Variants in SPATA7 observed in about 807,000 individuals in gnomAD.
SPATA7 encodes the protein spermatogenesis associated 7.
Under a neutral mutation model 51.8 loss-of-function variants are expected in SPATA7, and 43 were observed. That is an observed-to-expected ratio of 0.83 (90% CI 0.65 to 1.07). The LOEUF is 1.07. Ranked by LOEUF, SPATA7 falls within the 50% of genes least tolerant of loss-of-function variation. The pLI is 0.00. For synonymous variants in SPATA7, 230 were observed against 252.8 expected (o/e 0.91, Z 0.86); for missense variants, 683 against 701.3 (o/e 0.97, Z 0.30).
chr14:88,428,143 G>A (rs1295016435), intron 7 of SPATA7: 1 of 151,342 alleles, frequency 6.6e-6, no homozygotes, highest in African/African-American at 2.4e-5. Context: ...ATTCTCTTAT[G>A]TTTGCCTCTG....
Position 88,423,671 on chromosome 14 carries a change from A to ATTTTTTTTT in SPATA7, c.373-2541_373-2533dup. Among the ~76,000 whole-genome samples the ATTTTTTTTT allele has an allele frequency of 1.5e-3, 19 of 12,274 alleles. 6 individuals carry two copies. The highest frequency in any genetic ancestry group is 2.0e-3 in the African/African-American group (19 of 9,516). The allele number at this position is 12,274 out of a possible 152,430, so 8.1% of individuals were successfully genotyped here. ...CAAACAGATGTTAGATTTTAAAATA[A>ATTTTTTTTT]TTTTTTTTTTTTTTTTTTTTTTTTT... On this transcript the variant is annotated intron_variant, in intron 5 of 11. Transcript: ENST00000393545.
intron 4 of SPATA7, among the ~76,000 whole-genome samples, chr14:88,398,302 A>T (rs60826666): frequency 0.034 from 5,227 of 151,820 alleles, 282 homozygotes; most frequent in African/African-American, 0.12. Flanking sequence ...TGCAGCCATA[A>T]AAAATGATGA....
At chr14:88,444,599 A>G (rs995583246) in intron 3 of SPATA7, among the ~76,000 whole-genome samples, 1 of 152,004 alleles carries the variant, frequency 6.6e-6, no homozygotes, top group Non-Finnish European at 1.5e-5. Context: ...GTTTTCTTCT[A>G]GGGTTTTTAT....
rs1051457543 is a variant in SPATA7, at chr14:88,437,885, C to T, written c.1263C>T (p.Cys421=). ...ATGTCCTGAAAGTAGACTTAGGCTG[C>T]ACATCGGAGGAAAACTCGGTAAAGC... ...LLHVLKVDLG[C]TSEENSVKQN... Residue 421 remains cysteine, a synonymous_variant, in exon 12 of 12, where the codon TGC becomes TGT. Coordinates refer to ENST00000393545, the MANE Select transcript of SPATA7 (RefSeq NM_018418.5). The T allele has an allele frequency of 6.2e-7, 1 of 1,609,518 alleles. No individual in the cohort carries two copies. Among genetic ancestry groups the T allele is most frequent in the Non-Finnish European group, 8.5e-7 (1 of 1,177,938 alleles).
chr14:88,453,554 T>C (rs1322406906), intron 3 of SPATA7, among the ~76,000 whole-genome samples: 1 of 152,210 alleles, frequency 6.6e-6, no homozygotes, highest in Admixed American at 6.5e-5. Context: ...GTTTTTGATT[T>C]CTCAGACCTC....
At chr14:88,440,889 C>T (rs896141333), downstream of SPATA7, among the ~76,000 whole-genome samples, 5 of 151,844 alleles carry the variant, frequency 3.3e-5, no homozygotes, top group African/African-American at 1.2e-4. Context: ...TGAATAAGTT[C>T]TTCATTGGTG....
At chr14:88,420,274 T>C (rs1380947657) in intron 5 of SPATA7, among the ~76,000 whole-genome samples, 1 of 152,130 alleles carries the variant, frequency 6.6e-6, no homozygotes, top group African/African-American at 2.4e-5. Flanking sequence ...CCTGAGCACA[T>C]CACTAGTCCA....
chr14:88,439,576 T>C (rs1008659300), downstream of SPATA7, among the ~76,000 whole-genome samples: 2 of 152,200 alleles, frequency 1.3e-5, no homozygotes, highest in East Asian at 1.9e-4. Context: ...ACAACCCAGG[T>C]ATTCTTCTAA....
rs930376372 is a variant in SPATA7 at position 88,410,726 on chromosome 14, G to C, written c.239-5985G>C. On this transcript the variant is annotated intron_variant, in intron 4 of 11. Transcript: ENST00000393545. Reference sequence around the variant, plus strand: ...GTTTGCCTAGGTATCACCAGCGGAGGCTGCAGAACAGCAAAGATTGCTGCC... The same window carrying C: ...GTTTGCCTAGGTATCACCAGCGGAGCCTGCAGAACAGCAAAGATTGCTGCC... 2.5e-5 allele frequency: 4 copies of C among 157,428 alleles called. 1 individual carries two copies. The highest frequency in any genetic ancestry group is 9.6e-5 in the African/African-American group (4 of 41,554). 9.8% of individuals were successfully genotyped at this position (157,428 alleles called of 1,614,324 possible).
Position 88,423,397 on chromosome 14 carries a change from G to GA in SPATA7, c.373-2823dup, listed in dbSNP as rs1366486647. Among the ~76,000 whole-genome samples, 149 of 126,474 alleles carry GA rather than the reference G, an allele frequency of 1.2e-3. No individual in the cohort carries two copies. In the East Asian group the frequency reaches 0.014, roughly 12 times the overall value. 83.0% of individuals were successfully genotyped at this position (126,474 alleles called of 152,430 possible). A position where few individuals can be genotyped will look rare whatever the true frequency, so the allele number is the denominator to read the frequency against. ...TACAAAAAAAAAAAAAAAAATACAA[G>GA]AAAAAAAAAAAAGCCAGGCATGATG... On this transcript the variant is annotated intron_variant, in intron 5 of 11. Transcript: ENST00000393545.
intron 9 of SPATA7, 48 bp from the exon 10 acceptor site, chr14:88,433,087 A>G: frequency 6.9e-7 from 1 of 1,443,760 alleles, no homozygotes; most frequent in East Asian, 2.3e-5. Flanking sequence ...CAGTTTTCAG[A>G]ATAAGTAAGG....
At chr14:88,438,725 A>G (rs1201732881), downstream of SPATA7, among the ~76,000 whole-genome samples, 1 of 152,182 alleles carries the variant, frequency 6.6e-6, no homozygotes, top group African/African-American at 2.4e-5. Flanking sequence ...CCTTGCAGTT[A>G]TAGATTTGAG....
chr14:88,453,622 T>C (rs1219514559), intron 3 of SPATA7, among the ~76,000 whole-genome samples: 1 of 152,212 alleles, frequency 6.6e-6, no homozygotes, highest in East Asian at 1.9e-4. Flanking sequence ...AAAGATTTCT[T>C]TTTGTTACTA....
rs563019349 is a variant in SPATA7, at chr14:88,433,209, A to T, written c.1157A>T (p.Asn386Ile). 1 of 1,603,826 alleles carries T rather than the reference A, an allele frequency of 6.2e-7. No individual in the cohort carries two copies. The highest frequency in any genetic ancestry group is 1.1e-5 in the South Asian group (1 of 90,822). The change falls in exon 10 of 12, where the codon AAC becomes ATC. Residue 386 changes from asparagine (N) to isoleucine (I), a missense_variant. Transcript: ENST00000393545. ...ATTTTGAAACTTGGTTTATTTTCAA[A>T]CAGGTTAGTTTTTTTAATGGTGTTA... ...DEILKLGLFS[N>I]RFLERLFERH... is the part of the protein sequence containing the mutation.
chr14:88,433,454 T>A (rs921215857), intron 10 of SPATA7, among the ~76,000 whole-genome samples: 1 of 152,192 alleles, frequency 6.6e-6, no homozygotes, highest in Non-Finnish European at 1.5e-5. Flanking sequence ...ATTTTAATAT[T>A]ATATCCCTTG....
downstream of SPATA7, among the ~76,000 whole-genome samples, chr14:88,439,675 C>G (rs533381421): frequency 2.0e-3 from 299 of 152,216 alleles, 6 homozygotes; most frequent in Non-Finnish European, 8.1e-4. Context: ...AAGGGTGGTA[C>G]TTACCACTGG....
chr14:88,409,463 C>T lies in SPATA7; in HGVS notation c.239-7248C>T, dbSNP rs1313742052. Among the ~76,000 whole-genome samples, 3 of 151,434 alleles carry T rather than the reference C, an allele frequency of 2.0e-5. No individual in the cohort carries two copies. In the East Asian group the frequency reaches 5.8e-4, roughly 29 times the overall value. On this transcript the variant is annotated intron_variant, in intron 4 of 11. Transcript: ENST00000393545. Reference sequence around the variant, plus strand: ...ATCCCCTTTGTCGTTTTTTATTGTGCCTTTTTGATTCTCTATTTTCTTCTT... The same window carrying T: ...ATCCCCTTTGTCGTTTTTTATTGTGTCTTTTTGATTCTCTATTTTCTTCTT...
At chr14:88,451,655 G>A (rs974852199) in intron 3 of SPATA7, among the ~76,000 whole-genome samples, 3 of 151,442 alleles carry the variant, frequency 2.0e-5, no homozygotes, top group African/African-American at 7.3e-5. Flanking sequence ...CTCCCCAGTA[G>A]CTGGGATTAT....
chr14:88,470,145 AAAAAAGT>A (rs1336280350), exon 5 of SPATA7: 20 of 1,230,686 alleles, frequency 1.6e-5, no homozygotes, highest in African/African-American at 4.6e-5. Context: ...AAGTTTTTTT[AAAAAAGT>A]AAAAAGTAAA....
Sources: gnomAD v4.1 joint callset for allele counts (sites outside exome capture counted in the v4.1 genomes callset) on GRCh38, gnomAD v4.1.1 for gene constraint, MANE v1.5 for transcripts, NCBI Gene and HGNC (gene_info 2026-07-23, HGNC 2026-07-21) for gene names.